Variants in SLC9A9 observed in about 807,000 individuals in gnomAD.
SLC9A9 encodes the protein sodium/hydrogen exchanger 9.
A neutral mutation model predicts 77.8 loss-of-function variants in SLC9A9; 62 were observed. The observed-to-expected ratio is 0.80, with a 90% CI of 0.65 to 0.98. The LOEUF (loss-of-function observed/expected upper bound fraction) is 0.98, where lower values mean the gene tolerates loss of function less well. SLC9A9 is among the 50% of genes least tolerant of loss of function. The pLI is 0.00. For missense variants in SLC9A9, 775 were observed against 774.9 expected, an observed-to-expected ratio of 1.00 and a Z score of 0.00; for synonymous variants, 320 against 283.5, an observed-to-expected ratio of 1.13 and a Z score of -1.29.
chr3:143,716,021 A>G (rs558368741), intron 4 of SLC9A9, among the ~76,000 whole-genome samples: 7 of 152,350 alleles, frequency 4.6e-5, no homozygotes, highest in South Asian at 2.1e-4. Flanking sequence ...TGTATTTCAC[A>G]TAAGTGTTAC....
intron 4 of SLC9A9, among the ~76,000 whole-genome samples, chr3:143,702,036 A>G (rs1933816371): frequency 6.6e-6 from 1 of 152,208 alleles, no homozygotes; most frequent in African/African-American, 2.4e-5. Context: ...GAAGGAAAGA[A>G]ACTTTTACCC....
intron 6 of SLC9A9, among the ~76,000 whole-genome samples, chr3:143,584,831 A>G (rs770801621): frequency 6.6e-6 from 1 of 152,270 alleles, no homozygotes; most frequent in South Asian, 2.1e-4. Context: ...TAAAACCTAA[A>G]TCTTCAAAGG....
In SLC9A9 at chr3:143,606,400, ATCTCTCTCTCTC is replaced by A. The variant is rs746582477; in HGVS notation, c.756-27689_756-27678del. The stretch of plus-strand genomic sequence containing the variant: ...CACTTCAGACTGGGCGAAAGAGTGA[ATCTCTCTCTCTC>A]TCTCTCTCTCTCTCTCTCTCTCTCT... On this transcript the variant is annotated intron_variant, in intron 6 of 15. Transcript: ENST00000316549. Among the ~76,000 whole-genome samples the A allele has an allele frequency of 3.5e-3, 265 of 76,448 alleles. 3 individuals carry two copies. The highest frequency in any genetic ancestry group is 0.013 in the African/African-American group (231 of 17,656). The allele number at this position is 76,448 out of a possible 152,430, so 50.2% of individuals were successfully genotyped here.
chr3:143,571,137 G>A (rs2037251997), intron 8 of SLC9A9, among the ~76,000 whole-genome samples: 1 of 152,110 alleles, frequency 6.6e-6, no homozygotes, highest in Non-Finnish European at 1.5e-5. Flanking sequence ...GTCAGGGCCT[G>A]GGGAATTCTG....
At chr3:143,749,295 C>T (rs529259472) in intron 4 of SLC9A9, among the ~76,000 whole-genome samples, 34 of 152,258 alleles carry the variant, frequency 2.2e-4, no homozygotes, top group African/African-American at 7.2e-4. Flanking sequence ...TTTCTCTACT[C>T]CTGTTTTCCT....
Position 143,265,711 on chromosome 3 carries a change from T to A in SLC9A9, c.*991A>T. 2.4e-6 allele frequency: 1 copy of A among 420,518 alleles called. No individual in the cohort carries two copies. Among genetic ancestry groups the A allele is most frequent in the Non-Finnish European group, 4.2e-6 (1 of 240,390 alleles). 26.0% of individuals were successfully genotyped at this position (420,518 alleles called of 1,614,324 possible). A position where few individuals can be genotyped will look rare whatever the true frequency, so the allele number is the denominator to read the frequency against. On this transcript the variant is annotated 3_prime_UTR_variant, in exon 16 of 16. Coordinates refer to ENST00000316549, the MANE Select transcript of SLC9A9 (RefSeq NM_173653.4). Reference sequence around the variant, plus strand: ...CTTGTAAGGGGGAGACCTGAGGCCCTGTCCTTGGCTCCTCAGTGTAACCCA... The same window carrying A: ...CTTGTAAGGGGGAGACCTGAGGCCCAGTCCTTGGCTCCTCAGTGTAACCCA...
chr3:143,399,182 A>G (rs1160220793), intron 12 of SLC9A9, among the ~76,000 whole-genome samples: 1 of 152,186 alleles, frequency 6.6e-6, no homozygotes, highest in South Asian at 2.1e-4. Context: ...TCTTAATTTT[A>G]AAAGGAAAGT....
intron 6 of SLC9A9, among the ~76,000 whole-genome samples, chr3:143,609,309 G>A (rs1056391326): frequency 6.6e-6 from 1 of 152,312 alleles, no homozygotes; most frequent in South Asian, 2.1e-4. Context: ...GGCACTTGGA[G>A]TTGGTGAAGA....
At chr3:143,735,931 T>C (rs1934930890) in intron 4 of SLC9A9, among the ~76,000 whole-genome samples, 1 of 152,236 alleles carries the variant, frequency 6.6e-6, no homozygotes, top group Non-Finnish European at 1.5e-5. Context: ...AGATTTTTTT[T>C]CCAGCTTATC....
chr3:143,772,724 G>A (rs188902157), intron 4 of SLC9A9, among the ~76,000 whole-genome samples: 1 of 152,276 alleles, frequency 6.6e-6, no homozygotes, highest in East Asian at 1.9e-4. Context: ...CCCCAAGTCC[G>A]GTTTGTGAAA....
At chr3:143,794,863 A>G in intron 4 of SLC9A9, 138 bp downstream of exon 4, 1 of 790,084 alleles carries the variant, frequency 1.3e-6, no homozygotes, top group Admixed American at 2.0e-5. Context: ...GAATTAAGTC[A>G]GAAAAAACAT....
At chr3:143,796,745 A>G in intron 3 of SLC9A9, 81 bp downstream of exon 3, 1 of 983,446 alleles carries the variant, frequency 1.0e-6, no homozygotes, top group Non-Finnish European at 1.5e-6. Context: ...AGAGAAGCCC[A>G]TAAAAATAAC....
intron 12 of SLC9A9, among the ~76,000 whole-genome samples, chr3:143,443,266 C>A (rs1269855011): frequency 6.6e-6 from 1 of 152,052 alleles, no homozygotes; most frequent in Non-Finnish European, 1.5e-5. Flanking sequence ...CCATTTGTGA[C>A]TTCTCAAAGC....
chr3:143,322,403 A>G (rs1374449581), intron 14 of SLC9A9, among the ~76,000 whole-genome samples: 3 of 152,160 alleles, frequency 2.0e-5, no homozygotes, highest in Non-Finnish European at 4.4e-5. Context: ...CTATTGGCTC[A>G]CCTGGTTTTC....
At chr3:143,307,302 G>T (rs2030830501) in intron 14 of SLC9A9, among the ~76,000 whole-genome samples, 1 of 152,178 alleles carries the variant, frequency 6.6e-6, no homozygotes, top group South Asian at 2.1e-4. Context: ...GCACACCACT[G>T]GTTAATCCCA....
chr3:143,711,066 A>C (rs548971849), intron 4 of SLC9A9, among the ~76,000 whole-genome samples: 1 of 152,354 alleles, frequency 6.6e-6, no homozygotes, highest in African/African-American at 2.4e-5. Flanking sequence ...TAGTGACAAG[A>C]TAGAATGAAC....
intron 7 of SLC9A9, 46 bp downstream of exon 7, chr3:143,578,539 G>A (rs779438256): frequency 1.2e-6 from 2 of 1,613,098 alleles, no homozygotes; most frequent in Non-Finnish European, 1.7e-6. Context: ...CATGGATACT[G>A]ACTGTTCTTG....
chr3:143,489,987 G>A (rs2035712478), intron 11 of SLC9A9, among the ~76,000 whole-genome samples: 1 of 152,096 alleles, frequency 6.6e-6, no homozygotes, highest in African/African-American at 2.4e-5. Flanking sequence ...CATACCCATT[G>A]GGATGACTAC....
chr3:143,672,278 G>A (rs2039168648), intron 5 of SLC9A9, among the ~76,000 whole-genome samples: 1 of 152,028 alleles, frequency 6.6e-6, no homozygotes, highest in South Asian at 2.1e-4. Flanking sequence ...GAAACCACAA[G>A]TGTAATATAG....
Sources: gnomAD v4.1 joint callset for allele counts (sites outside exome capture counted in the v4.1 genomes callset) on GRCh38, gnomAD v4.1.1 for gene constraint, MANE v1.5 for transcripts, NCBI Gene and HGNC (gene_info 2026-07-23, HGNC 2026-07-21) for gene names.